The following DCAF6 variants were observed in gnomAD, a reference collection of about 807,000 sequenced individuals.
DCAF6 encodes DDB1 and CUL4 associated factor 6.
Under a neutral mutation model 125.1 loss-of-function variants are expected in DCAF6, and 54 were observed. That is an observed-to-expected ratio of 0.43 (90% CI 0.35 to 0.54). DCAF6 has a LOEUF of 0.54. Among genes scored for constraint, DCAF6 ranks in the 20% least tolerant of loss-of-function variants. DCAF6 has a pLI of 0.01. For missense variants in DCAF6, 934 were observed against 1,161.7 expected, an observed-to-expected ratio of 0.80 and a Z score of 2.85; for synonymous variants, 371 against 390.4, an observed-to-expected ratio of 0.95 and a Z score of 0.58.
Position 168,063,712 on chromosome 1 carries a change from C to T in DCAF6, c.2392C>T (p.Pro798Ser). ...ATTGGATACTTTGAACATTAGAAGGCCGCTAGTAAAAATGGTTTATAAAGG... is the reference window on the plus strand; with the variant it reads ...ATTGGATACTTTGAACATTAGAAGGTCGCTAGTAAAAATGGTTTATAAAGG... Reference protein sequence around the residue: ...EELDTLNIRRPLVKMVYKGHR... With the variant: ...EELDTLNIRRSLVKMVYKGHR... Residue 798 changes from proline (P) to serine (S), a missense_variant, in exon 18 of 22, where the codon CCG becomes TCG. By Grantham distance (74) the Pro-to-Ser change is moderately conservative. Transcript: ENST00000367840. The T allele has an allele frequency of 6.2e-7, 1 of 1,604,272 alleles. No individual in the cohort carries two copies. Among genetic ancestry groups the T allele is most frequent in the Non-Finnish European group, 8.5e-7 (1 of 1,176,266 alleles).
At chr1:167,915,380 T>C in the DCAF6 span, among the ~76,000 whole-genome samples, 2 of 152,222 alleles carry the variant, frequency 1.3e-5, no homozygotes, top group Admixed American at 6.5e-5. Flanking sequence ...TAACACAGTA[T>C]ATCCTTTTTG....
the DCAF6 span, among the ~76,000 whole-genome samples, chr1:167,900,000 T>A: frequency 2.0e-5 from 3 of 152,196 alleles, no homozygotes; most frequent in Non-Finnish European, 2.9e-5. Flanking sequence ...ATTGAAGCTG[T>A]AACTAAAAAT....
At chr1:167,970,992 T>A (rs897411291) in intron 3 of DCAF6, among the ~76,000 whole-genome samples, 1 of 152,196 alleles carries the variant, frequency 6.6e-6, no homozygotes, top group African/African-American at 2.4e-5. Flanking sequence ...GCAATATCTT[T>A]TGTAAAATAA....
At chr1:167,981,785 G>A (rs1264600457) in intron 4 of DCAF6, among the ~76,000 whole-genome samples, 1 of 152,172 alleles carries the variant, frequency 6.6e-6, no homozygotes, top group Non-Finnish European at 1.5e-5. Context: ...CCATTGATGG[G>A]CACCTAGGTT....
intron 11 of DCAF6, 32 bp from the exon 12 acceptor site, chr1:168,022,956 A>C (rs772427764): frequency 6.2e-7 from 1 of 1,604,228 alleles, no homozygotes; most frequent in Non-Finnish European, 8.5e-7. Context: ...TCTGCTGCTT[A>C]CTTTTAAGTT....
chr1:168,033,332 G>T (rs1280588010), intron 12 of DCAF6, among the ~76,000 whole-genome samples: 1 of 131,304 alleles, frequency 7.6e-6, no homozygotes, highest in Non-Finnish European at 1.6e-5. Flanking sequence ...TTTTTGAGAC[G>T]GAGTCTCGCT....
At chr1:168,001,641 GT>G (rs1013339972) in intron 7 of DCAF6, among the ~76,000 whole-genome samples, 80 of 151,782 alleles carry the variant, frequency 5.3e-4, no homozygotes, top group Non-Finnish European at 9.6e-4. Context: ...TTGAAATATT[GT>G]TTTTTTTCTT....
At chr1:167,964,639 T>G (rs980213037) in intron 2 of DCAF6, among the ~76,000 whole-genome samples, 4 of 152,224 alleles carry the variant, frequency 2.6e-5, no homozygotes, top group African/African-American at 4.8e-5. Flanking sequence ...ATTCTGTTCT[T>G]TTCTCCTTCT....
At chr1:168,075,276 T>A in intron 21 of DCAF6, 95 bp from the exon 22 acceptor site, 1 of 1,191,692 alleles carries the variant, frequency 8.4e-7, no homozygotes, top group East Asian at 2.7e-5. Flanking sequence ...GTGAACTGAT[T>A]TTTAATGCGT....
intron 13 of DCAF6, among the ~76,000 whole-genome samples, chr1:168,039,461 C>T (rs1485558592): frequency 6.6e-6 from 1 of 150,772 alleles, no homozygotes; most frequent in Admixed American, 6.6e-5. Flanking sequence ...TTGAGAAAAG[C>T]AAGTTATGTA....
At chr1:167,952,370 A>G (rs1164549605) in intron 2 of DCAF6, among the ~76,000 whole-genome samples, 1 of 151,948 alleles carries the variant, frequency 6.6e-6, no homozygotes, top group Non-Finnish European at 1.5e-5. Flanking sequence ...GGTGCCTGCC[A>G]CCACGCCTGG....
intron 4 of DCAF6, among the ~76,000 whole-genome samples, chr1:167,986,704 G>T (rs1680052577): frequency 2.0e-5 from 3 of 152,130 alleles, no homozygotes; most frequent in African/African-American, 7.2e-5. Flanking sequence ...CCTACAGGAG[G>T]TGGAGCTCAG....
At chr1:167,974,116 T>C (rs560561287) in intron 3 of DCAF6, among the ~76,000 whole-genome samples, 2 of 152,256 alleles carry the variant, frequency 1.3e-5, no homozygotes, top group East Asian at 3.9e-4. Context: ...TCAATTTGCA[T>C]TTCCCTTATG....
the DCAF6 span, among the ~76,000 whole-genome samples, chr1:167,864,892 C>T: frequency 1.2e-5 from 1 of 80,634 alleles, no homozygotes; most frequent in African/African-American, 5.5e-5. Flanking sequence ...GCTTTGCTAA[C>T]AGGAAAAAAA....
chr1:167,974,971 A>C lies in DCAF6; in HGVS notation c.394A>C (p.Asn132His). 6.2e-7 allele frequency: 1 copy of C among 1,607,458 alleles called. No homozygotes were observed. The highest frequency in any genetic ancestry group is 1.1e-5 in the South Asian group (1 of 89,064). The change falls in exon 4 of 22, where the codon AAC (asparagine) becomes CAC (histidine). Residue 132 changes from asparagine (N) to histidine (H), a missense_variant. Physicochemically the swap from Asn to His is moderately conservative, Grantham distance 68. Around this residue, in one of 5 missense-constraint regions of DCAF6, gnomAD observed 309 missense variants for 381.2 expected, o/e 0.81. Coordinates refer to ENST00000367840, the MANE Select transcript of DCAF6 (RefSeq NM_001198956.2). ...YTNVEQDAET[N>H]RQCQFTCHYG... ...CAACGTTGAGCAAGATGCAGAAACC[A>C]ACAGACAATGCCAATTTACGTGTCA...
intron 2 of DCAF6, among the ~76,000 whole-genome samples, chr1:167,965,795 C>T (rs1571703992): frequency 6.6e-6 from 1 of 151,888 alleles, no homozygotes; most frequent in Non-Finnish European, 1.5e-5. Context: ...CCACCATGGC[C>T]GGCTAATTTT....
At chr1:168,036,112 A>G (rs1034802684) in intron 12 of DCAF6, among the ~76,000 whole-genome samples, 1 of 152,202 alleles carries the variant, frequency 6.6e-6, no homozygotes, top group Non-Finnish European at 1.5e-5. Flanking sequence ...TAGATACTGT[A>G]GGAAGAAAGT....
At chr1:167,985,245 G>A (rs369888965) in intron 4 of DCAF6, among the ~76,000 whole-genome samples, 11 of 151,836 alleles carry the variant, frequency 7.2e-5, no homozygotes, top group East Asian at 1.9e-4. Context: ...GTGCGTGCGC[G>A]TGTGCACGTG....
chr1:168,068,493 A>G (rs1692626096), intron 21 of DCAF6, 30 bp downstream of exon 21: 3 of 1,119,196 alleles, frequency 2.7e-6, no homozygotes, highest in Admixed American at 2.8e-5. Flanking sequence ...TACTAAAACC[A>G]TTTTTATATT....
Sources: allele counts gnomAD v4.1 joint callset (sites outside exome capture counted in the v4.1 genomes callset), GRCh38; gene constraint gnomAD v4.1.1; regional missense constraint gnomAD v4.1.1; transcripts MANE v1.5; gene names NCBI Gene and HGNC (gene_info 2026-07-23, HGNC 2026-07-21).